Variants in PRELID2 observed in about 807,000 individuals in gnomAD.
PRELID2 encodes the protein PRELI domain containing 2.
PRELID2 carries 25 observed loss-of-function variants against 28.4 expected under a neutral mutation model. The ratio of observed to expected loss-of-function variants is 0.88; its 90% CI spans 0.64 to 1.23. The LOEUF is 1.23. PRELID2 is among the 50% of genes most tolerant of loss of function. The probability of loss-of-function intolerance (pLI) is 0.00; values close to 1 mark genes in which losing one functional copy is unlikely to be tolerated. For missense variants in PRELID2, 201 were observed against 214.4 expected (o/e 0.94, Z 0.39); for synonymous variants, 76 against 71.6 (o/e 1.06, Z -0.31).
intron 4 of PRELID2, among the ~76,000 whole-genome samples, chr5:145,808,883 C>CA (rs946167285): frequency 3.4e-5 from 4 of 118,134 alleles, no homozygotes; most frequent in South Asian, 2.8e-4. Context: ...CCCTGTCTTA[C>CA]AAAAAAAAGG....
intron 4 of PRELID2, among the ~76,000 whole-genome samples, chr5:145,812,217 A>C (rs1754000717): frequency 6.6e-6 from 1 of 152,190 alleles, no homozygotes; most frequent in Non-Finnish European, 1.5e-5. Context: ...TGGACAAATT[A>C]GTACGCTGAT....
Position 145,490,346 on chromosome 5 carries a change from T to G in PRELID2, n.71-17031A>C, listed in dbSNP as rs575806930. 2.6e-5 allele frequency among the ~76,000 whole-genome samples: 4 copies of G among 152,318 alleles called. No homozygotes were observed. The South Asian group carries it at 8.3e-4, about 32-fold the overall frequency. ...GAAACTGAACACACAAACACACCTG[T>G]GTACACACATATTGCCCTGTCTAAA... On this transcript the variant is annotated intron_variant and non_coding_transcript_variant, in intron 1 of 2. Coordinates refer to the PRELID2 transcript ENST00000510259.
At chr5:145,440,910 T>C in the PRELID2 span, 1 of 152,132 alleles carries the variant, frequency 6.6e-6, no homozygotes, top group Non-Finnish European at 1.5e-5. Context: ...AGAGGCTCAT[T>C]AGGCTGGCCT....
At chr5:145,384,922 C>G in the PRELID2 span, among the ~76,000 whole-genome samples, 1 of 152,132 alleles carries the variant, frequency 6.6e-6, no homozygotes, top group Non-Finnish European at 1.5e-5. Flanking sequence ...CCAGGCCCCA[C>G]CTCTAATACT....
At chr5:145,487,917 G>A (rs1445548564) in intron 1 of PRELID2, among the ~76,000 whole-genome samples, 2 of 151,774 alleles carry the variant, frequency 1.3e-5, no homozygotes, top group African/African-American at 4.8e-5. Flanking sequence ...GAGGTCAGGA[G>A]ATCGAGACCA....
In PRELID2 at chr5:145,796,494, T is replaced by C. The variant is rs1310340256; in HGVS notation, c.422A>G (p.Asn141Ser). ...RISITGVGFL[N>S]CVLETFASTF... ...GCTGGCAAAAGTTTCTAAAACACAGTTGAGAAATCCAACCCCTGTGATTGA... is the reference window on the plus strand; with the variant it reads ...GCTGGCAAAAGTTTCTAAAACACAGCTGAGAAATCCAACCCCTGTGATTGA... The change falls in exon 5 of 7, where the codon AAC becomes AGC. Residue 141 changes from asparagine to serine, a missense_variant. Asn to Ser is a conservative substitution (Grantham distance 46, BLOSUM62 1). Coordinates refer to ENST00000683046, the MANE Select transcript of PRELID2 (RefSeq NM_205846.3). 10 of 1,610,932 alleles carry C rather than the reference T, an allele frequency of 6.2e-6. No individual in the cohort carries two copies. Among genetic ancestry groups the C allele is most frequent in the Non-Finnish European group, 7.6e-6 (9 of 1,178,172 alleles).
At chr5:145,630,067 G>C (rs1238400097) in intron 1 of PRELID2, among the ~76,000 whole-genome samples, 3 of 152,120 alleles carry the variant, frequency 2.0e-5, no homozygotes, top group Admixed American at 1.3e-4. Flanking sequence ...TTTTGTTTTA[G>C]CATATTCAGA....
At chr5:145,288,731 T>C in the PRELID2 span, among the ~76,000 whole-genome samples, 1 of 152,128 alleles carries the variant, frequency 6.6e-6, no homozygotes, top group Non-Finnish European at 1.5e-5. Context: ...AATATTCATG[T>C]GCACTATATT....
At chr5:145,229,534 G>A in the PRELID2 span, 3 of 1,470,230 alleles carry the variant, frequency 2.0e-6, no homozygotes, top group Non-Finnish European at 2.8e-6. Context: ...CCAGCGTCAA[G>A]GATGGCACCA....
chr5:145,670,599 A>G (rs1300736030), intron 1 of PRELID2, among the ~76,000 whole-genome samples: 1 of 152,176 alleles, frequency 6.6e-6, no homozygotes, highest in East Asian at 1.9e-4. Flanking sequence ...AGAACCTAAC[A>G]GTCCCACTCT....
At chr5:145,565,239 C>T (rs568917405) in intron 1 of PRELID2, among the ~76,000 whole-genome samples, 1 of 152,226 alleles carries the variant, frequency 6.6e-6, no homozygotes, top group African/African-American at 2.4e-5. Flanking sequence ...AAGCCTGTGT[C>T]CAGCAAAGGA....
At chr5:145,499,852 T>C (rs1039837783) in intron 1 of PRELID2, among the ~76,000 whole-genome samples, 12 of 152,196 alleles carry the variant, frequency 7.9e-5, no homozygotes, top group African/African-American at 2.7e-4. Context: ...TCTTTTAAAG[T>C]CATATAAACA....
the PRELID2 span, among the ~76,000 whole-genome samples, chr5:145,381,047 G>T: frequency 2.8e-4 from 42 of 152,100 alleles, no homozygotes; most frequent in Non-Finnish European, 5.4e-4. Flanking sequence ...CATGTATTTT[G>T]CATAGAATTC....
intron 1 of PRELID2, among the ~76,000 whole-genome samples, chr5:145,748,798 C>A (rs894055619): frequency 6.6e-6 from 1 of 152,108 alleles, no homozygotes; most frequent in Non-Finnish European, 1.5e-5. Flanking sequence ...TGGAACAAAA[C>A]AGAGACCTCA....
the PRELID2 span, among the ~76,000 whole-genome samples, chr5:145,307,007 T>C: frequency 6.6e-6 from 1 of 152,238 alleles, no homozygotes; most frequent in Non-Finnish European, 1.5e-5. Context: ...TTAATGTTTC[T>C]ATATATGATC....
At chr5:145,404,658 G>A in the PRELID2 span, among the ~76,000 whole-genome samples, 1 of 152,130 alleles carries the variant, frequency 6.6e-6, no homozygotes, top group African/African-American at 2.4e-5. Flanking sequence ...AAAATGGAAA[G>A]AATAATGAAC....
chr5:145,286,009 T>G, the PRELID2 span, among the ~76,000 whole-genome samples: 1 of 152,164 alleles, frequency 6.6e-6, no homozygotes, highest in Non-Finnish European at 1.5e-5. Flanking sequence ...GACTTCTCAG[T>G]CCCAGCAAAA....
intron 1 of PRELID2, among the ~76,000 whole-genome samples, chr5:145,618,621 C>A (rs1238807865): frequency 6.6e-6 from 1 of 152,142 alleles, no homozygotes; most frequent in African/African-American, 2.4e-5. Flanking sequence ...GGGTACCTAG[C>A]TTTGGTGATT....
At chr5:145,307,533 T>C in the PRELID2 span, among the ~76,000 whole-genome samples, 8 of 152,210 alleles carry the variant, frequency 5.3e-5, no homozygotes, top group Non-Finnish European at 7.3e-5. Flanking sequence ...AAATAGAGTA[T>C]AATAGCTGCC....
Sources: gnomAD v4.1 joint callset for allele counts (sites outside exome capture counted in the v4.1 genomes callset) on GRCh38, gnomAD v4.1.1 for gene constraint, MANE v1.5 for transcripts, NCBI Gene and HGNC (gene_info 2026-07-23, HGNC 2026-07-21) for gene names.